PIP5K1A: variants seen among roughly 807,000 people sequenced by gnomAD.
PIP5K1A encodes the protein phosphatidylinositol 4-phosphate 5-kinase type-1 alpha.
A neutral mutation model predicts 72.9 loss-of-function variants in PIP5K1A; 46 were observed. The observed-to-expected ratio is 0.63, with a 90% CI of 0.50 to 0.81. PIP5K1A has a LOEUF of 0.81. PIP5K1A is among the 30% of genes least tolerant of loss of function. The pLI is 0.00. For synonymous variants in PIP5K1A, 228 were observed against 255.1 expected, an observed-to-expected ratio of 0.89 and a Z score of 1.01; for missense variants, 458 against 706.1, an observed-to-expected ratio of 0.65 and a Z score of 3.98.
At chr1:151,222,648 C>A (rs879855702) in intron 1 of PIP5K1A, among the ~76,000 whole-genome samples, 5 of 152,058 alleles carry the variant, frequency 3.3e-5, no homozygotes, top group Admixed American at 6.6e-5. Flanking sequence ...TCTTCTAAAC[C>A]GTTTCCTCTG....
intron 1 of PIP5K1A, among the ~76,000 whole-genome samples, chr1:151,203,721 G>T (rs983285351): frequency 6.6e-6 from 1 of 151,886 alleles, no homozygotes; most frequent in Non-Finnish European, 1.5e-5. Flanking sequence ...CTACTCGGAA[G>T]GCTGAGGCAG....
chr1:151,210,854 TG>T (rs1686702077), intron 1 of PIP5K1A, among the ~76,000 whole-genome samples: 1 of 152,212 alleles, frequency 6.6e-6, no homozygotes, highest in Non-Finnish European at 1.5e-5. Flanking sequence ...CCCAAAGTGC[TG>T]GGATTACAGT....
intron 1 of PIP5K1A, among the ~76,000 whole-genome samples, chr1:151,220,048 C>T (rs1333805127): frequency 6.6e-6 from 1 of 151,944 alleles, no homozygotes; most frequent in Non-Finnish European, 1.5e-5. Context: ...CTCTGTTGCC[C>T]AGGCTGGAGT....
At chr1:151,242,709 G>C (rs752745582) in intron 14 of PIP5K1A, 142 bp downstream of exon 14, 19 of 766,134 alleles carry the variant, frequency 2.5e-5, no homozygotes, top group Non-Finnish European at 3.6e-5. Flanking sequence ...ACTTTCTGTG[G>C]GTCAGGAATC....
upstream of PIP5K1A, among the ~76,000 whole-genome samples, chr1:151,196,198 C>A (rs1362445693): frequency 1.3e-5 from 2 of 152,086 alleles, no homozygotes; most frequent in Non-Finnish European, 2.9e-5. Flanking sequence ...CGTCCGGCTA[C>A]ACTATCCGAT....
rs1383230450 is a variant in PIP5K1A at position 151,248,047 on chromosome 1, C to G, written c.*182C>G. The stretch of plus-strand genomic sequence containing the variant: ...AGAAGAACCTTCTCTCCTTCCTCTT[C>G]CTCATGAATGGGCCTTAGTGCCTCA... On this transcript the variant is annotated 3_prime_UTR_variant, in exon 16 of 16. Coordinates refer to ENST00000368888, the MANE Select transcript of PIP5K1A (RefSeq NM_001135638.2). 3.1e-6 allele frequency: 2 copies of G among 638,354 alleles called. No homozygotes were observed. The highest frequency in any genetic ancestry group is 5.6e-6 in the Non-Finnish European group (2 of 356,982). The allele number at this position is 638,354 out of a possible 1,614,324, so 39.5% of individuals were successfully genotyped here. A position where few individuals can be genotyped will look rare whatever the true frequency, so the allele number is the denominator to read the frequency against.
chr1:151,223,402 T>A lies in PIP5K1A; in HGVS notation c.86-843T>A, dbSNP rs587611400. On this transcript the variant is annotated intron_variant, in intron 1 of 15. Transcript: ENST00000368888. ...GGCTCACGCCTGTAATCCCAGCACT[T>A]TGGGAGGCCGAGGCAGGCGGATCAT... Among the ~76,000 whole-genome samples, 17 of 150,842 alleles carry A rather than the reference T, an allele frequency of 1.1e-4. No individual in the cohort carries two copies. The East Asian group carries it at 2.2e-3, about 19-fold the overall frequency.
intron 1 of PIP5K1A, among the ~76,000 whole-genome samples, chr1:151,206,557 T>TTTTTG (rs1016524634): frequency 1.0e-3 from 153 of 152,214 alleles, no homozygotes; most frequent in Non-Finnish European, 1.7e-3. Flanking sequence ...ATTAATACTT[T>TTTTTG]TTTTGTTTTG....
At chr1:151,225,963 G>A (rs1689061892) in intron 3 of PIP5K1A, among the ~76,000 whole-genome samples, 2 of 151,842 alleles carry the variant, frequency 1.3e-5, no homozygotes, top group South Asian at 4.2e-4. Flanking sequence ...TTTTTAGTTG[G>A]AGATGGAGAT....
At chr1:151,231,647 C>T (rs762987384) in intron 4 of PIP5K1A, 24 bp from the exon 5 acceptor site, 6 of 1,611,026 alleles carry the variant, frequency 3.7e-6, no homozygotes, top group Non-Finnish European at 5.1e-6. Flanking sequence ...TAGGAATTTT[C>T]TTCTCATTTC....
chr1:151,201,357 G>GTTTTT (rs369894732), intron 1 of PIP5K1A, among the ~76,000 whole-genome samples: 1 of 145,950 alleles, frequency 6.9e-6, no homozygotes, highest in Non-Finnish European at 1.5e-5. Context: ...TGTTTTTGTG[G>GTTTTT]TTTTTTTTTT....
Position 151,239,181 on chromosome 1 carries a change from A to G in PIP5K1A, c.1278+3A>G. On this transcript the variant is annotated splice_donor_region_variant and intron_variant, in intron 11 of 15. Transcript: ENST00000368888. Reference sequence around the variant, plus strand: ...GGAAAGCCCTGGTACATGACGGAGTAAGTAGTAATACTAGAGGCTCTCTTA... The same window carrying G: ...GGAAAGCCCTGGTACATGACGGAGTGAGTAGTAATACTAGAGGCTCTCTTA... The G allele has an allele frequency of 6.3e-7, 1 of 1,593,678 alleles. No individual in the cohort carries two copies. Among genetic ancestry groups the G allele is most frequent in the Non-Finnish European group, 8.6e-7 (1 of 1,161,678 alleles).
chr1:151,225,544 A>T (rs1009919666), intron 3 of PIP5K1A, among the ~76,000 whole-genome samples: 1 of 149,474 alleles, frequency 6.7e-6, no homozygotes, highest in Non-Finnish European at 1.5e-5. Flanking sequence ...ATCTTGGCTC[A>T]CTATGTCCTC....
rs1382240105 is a variant in PIP5K1A, at chr1:151,201,272, CTT to C, written c.85+2193_85+2194del. Among the ~76,000 whole-genome samples the C allele has an allele frequency of 3.3e-5, 5 of 152,128 alleles. No homozygotes were observed. In the East Asian group the frequency reaches 9.6e-4, roughly 29 times the overall value. ...TTAAGTCAGGTGTTTGCTTTGTACT[CTT>C]TGGTATTTTTGTAGGTCTTTATGTT... On this transcript the variant is annotated intron_variant, in intron 1 of 15. Transcript: ENST00000368888.
At chr1:151,199,881 C>T (rs1424776044) in intron 1 of PIP5K1A, among the ~76,000 whole-genome samples, 1 of 151,826 alleles carries the variant, frequency 6.6e-6, no homozygotes, top group Non-Finnish European at 1.5e-5. Context: ...TTGTTGAAGC[C>T]ATCTTTTCCC....
At chr1:151,218,831 C>CCA (rs1687989299) in intron 1 of PIP5K1A, among the ~76,000 whole-genome samples, 1 of 70,544 alleles carries the variant, frequency 1.4e-5, no homozygotes, top group Non-Finnish European at 2.6e-5. Flanking sequence ...GACTCTGTCT[C>CCA]AAAAAAAAAA....
In PIP5K1A at chr1:151,198,674, G is replaced by C. The variant is rs1684771725; in HGVS notation, c.-323G>C. The C allele has an allele frequency of 2.9e-6, 1 of 346,726 alleles. No homozygotes were observed. The highest frequency in any genetic ancestry group is 2.1e-5 in the African/African-American group (1 of 47,990). The allele number at this position is 346,726 out of a possible 1,614,324, so 21.5% of individuals were successfully genotyped here. A position where few individuals can be genotyped will look rare whatever the true frequency, so the allele number is the denominator to read the frequency against. ...CTTTTCATGCCTCGTTTTTTTTTCA[G>C]ATGTGGCTTGGTCTGGGCGCAAGGT... On this transcript the variant is annotated 5_prime_UTR_variant, in exon 1 of 16. Transcript: ENST00000368888.
At chr1:151,220,185 T>G (rs1275330563) in intron 1 of PIP5K1A, among the ~76,000 whole-genome samples, 2 of 151,836 alleles carry the variant, frequency 1.3e-5, no homozygotes, top group African/African-American at 2.4e-5. Context: ...TTTGTATTTT[T>G]AGTAGAGACG....
Position 151,242,173 on chromosome 1 carries a change from C to G in PIP5K1A, c.1414C>G (p.Arg472Gly). 1 of 1,614,006 alleles carries G rather than the reference C, an allele frequency of 6.2e-7. No individual in the cohort carries two copies. The highest frequency in any genetic ancestry group is 1.1e-5 in the South Asian group (1 of 91,078). ...KFRSGSSFSR[R>G]AGSSGNSCIT... Reference sequence around the variant, plus strand: ...TCGGTCTGGCTCATCTTTCTCTCGGCGAGCAGGCTCCAGTGGCAACTCCTG... The same window carrying G: ...TCGGTCTGGCTCATCTTTCTCTCGGGGAGCAGGCTCCAGTGGCAACTCCTG... The change falls in exon 13 of 16, where the codon CGA (arginine) becomes GGA (glycine). Residue 472 changes from arginine (R) to glycine (G), a missense_variant. By Grantham distance (125) the Arg-to-Gly change is moderately radical. Transcript: ENST00000368888.
Sources: allele counts gnomAD v4.1 joint callset (sites outside exome capture counted in the v4.1 genomes callset), GRCh38; gene constraint gnomAD v4.1.1; transcripts MANE v1.5; gene names NCBI Gene and HGNC (gene_info 2026-07-23, HGNC 2026-07-21).